BDH1: variants seen among roughly 807,000 people sequenced by gnomAD.
BDH1 encodes D-beta-hydroxybutyrate dehydrogenase, mitochondrial.
In BDH1, 30 loss-of-function variants were observed where a neutral mutation model predicts 33.1. The ratio of observed to expected loss-of-function variants is 0.91; its 90% CI spans 0.68 to 1.23. The LOEUF is 1.23. Ranked by LOEUF, BDH1 falls within the 50% of genes most tolerant of loss-of-function variation. BDH1 has a pLI of 0.00. For missense variants in BDH1, 443 were observed against 464.4 expected (o/e 0.95, Z 0.42); for synonymous variants, 190 against 183.6 (o/e 1.03, Z -0.28).
chr3:197,527,939 T>G (rs1230046917), intron 5 of BDH1, among the ~76,000 whole-genome samples: 1 of 152,210 alleles, frequency 6.6e-6, no homozygotes, highest in East Asian at 1.9e-4. Flanking sequence ...CCGTCCACCA[T>G]GCTTTATCTT....
chr3:197,550,383 G>A (rs1382225946), intron 2 of BDH1, among the ~76,000 whole-genome samples: 1 of 152,248 alleles, frequency 6.6e-6, no homozygotes, highest in South Asian at 2.1e-4. Context: ...GTTCTCCTCC[G>A]ATAACACACC....
At chr3:197,533,887 A>G (rs1714922947) in intron 3 of BDH1, 4 of 342,182 alleles carry the variant, frequency 1.2e-5, no homozygotes, top group Non-Finnish European at 2.1e-5. Flanking sequence ...GCTTTCCAAG[A>G]TGACATGGAT....
chr3:197,540,132 C>G (rs568321353), intron 3 of BDH1, among the ~76,000 whole-genome samples: 38 of 152,124 alleles, frequency 2.5e-4, no homozygotes, highest in African/African-American at 7.9e-4. Context: ...CTCACTGCAA[C>G]CTCCGCCTCC....
rs574502834 is a variant in BDH1 at position 197,521,762 on chromosome 3, G to A, written c.409+878C>T. On this transcript the variant is annotated intron_variant, in intron 6 of 7. Transcript: ENST00000392379. This position sits in a 1 kb window ranked among gnomAD's most constrained non-coding sequence, Gnocchi z 4.9. ...CAGCTTCGCCTTCTCAACACTCCTC[G>A]CACCTGACCCTTCCTGTTTCCCAAC... 8.5e-5 allele frequency among the ~76,000 whole-genome samples: 13 copies of A among 152,200 alleles called. No homozygotes were observed. The South Asian group carries it at 1.2e-3, about 15-fold the overall frequency.
rs753057477 is a variant in BDH1, at chr3:197,524,360, C to T, written c.268-1579G>A. On this transcript the variant is annotated intron_variant, in intron 5 of 7. Coordinates refer to ENST00000392379, the MANE Select transcript of BDH1 (RefSeq NM_203314.3). ...GCGGGCAAGGGTGGAAAGCCCAGGA[C>T]GGTCAGCACTTGTCAGGGGTGGAAA... Among the ~76,000 whole-genome samples, 6 of 152,214 alleles carry T rather than the reference C, an allele frequency of 3.9e-5. No individual in the cohort carries two copies. In the South Asian group the frequency reaches 8.3e-4, roughly 21 times the overall value.
Position 197,520,508 on chromosome 3 carries a change from C to A in BDH1, c.409+2132G>T, listed in dbSNP as rs1008702693. ...GTTAGGCTGCCTGGCCAGTCCAGTA[C>A]AGACAATGGAAGTGATTCTGCCCCA... On this transcript the variant is annotated intron_variant, in intron 6 of 7. Coordinates refer to ENST00000392379, the MANE Select transcript of BDH1 (RefSeq NM_203314.3). The surrounding 1 kb of genome is among the most constrained non-coding windows in gnomAD (Gnocchi z 6.0). 3.9e-5 allele frequency among the ~76,000 whole-genome samples: 6 copies of A among 152,138 alleles called. No individual in the cohort carries two copies. The highest frequency in any genetic ancestry group is 1.4e-4 in the African/African-American group (6 of 41,430).
chr3:197,540,530 G>C (rs193192363), intron 3 of BDH1, among the ~76,000 whole-genome samples: 1 of 151,930 alleles, frequency 6.6e-6, no homozygotes. Context: ...TTAGCAGGGC[G>C]TGGTGGCACA....
intron 3 of BDH1, chr3:197,538,961 A>G (rs1715373386): frequency 6.6e-6 from 1 of 152,368 alleles, no homozygotes; most frequent in Non-Finnish European, 1.5e-5. Context: ...CTCTGCAGAA[A>G]GAATGAGAAG....
chr3:197,523,766 C>G lies in BDH1; in HGVS notation c.268-985G>C, dbSNP rs1483661643. Reference sequence around the variant, plus strand: ...GTGGGAGGGGCACAGGAGGGACGGGCAGGGGAGACCTTCCAAAGGCAGTGA... The same window carrying G: ...GTGGGAGGGGCACAGGAGGGACGGGGAGGGGAGACCTTCCAAAGGCAGTGA... On this transcript the variant is annotated intron_variant, in intron 5 of 7. Coordinates refer to ENST00000392379, the MANE Select transcript of BDH1 (RefSeq NM_203314.3). This position sits in a 1 kb window ranked among gnomAD's most constrained non-coding sequence, Gnocchi z 4.5. Among the ~76,000 whole-genome samples the G allele has an allele frequency of 6.6e-6, 1 of 152,014 alleles. No homozygotes were observed. The highest frequency in any genetic ancestry group is 2.4e-5 in the African/African-American group (1 of 41,360).
At chr3:197,543,004 G>A (rs1715783419) in intron 3 of BDH1, 1 of 985,406 alleles carries the variant, frequency 1.0e-6, no homozygotes, top group South Asian at 4.7e-5. Flanking sequence ...CATCCCGGCC[G>A]CATTTGAGAG....
intron 2 of BDH1, among the ~76,000 whole-genome samples, chr3:197,551,382 G>A (rs995876909): frequency 7.2e-5 from 11 of 152,148 alleles, no homozygotes; most frequent in South Asian, 2.1e-4. Context: ...TTCCATCCAC[G>A]TTGTTGCAAA....
At chr3:197,546,273 T>A in intron 3 of BDH1, 88 bp downstream of exon 3, 1 of 1,289,868 alleles carries the variant, frequency 7.8e-7, no homozygotes. Context: ...GAATCAGGCC[T>A]CATCACCGCC....
intron 3 of BDH1, among the ~76,000 whole-genome samples, chr3:197,536,157 C>T (rs536491255): frequency 3.0e-4 from 45 of 152,260 alleles, no homozygotes; most frequent in African/African-American, 1.0e-3. Flanking sequence ...TTTGCTCCAG[C>T]GCCATTTTTT....
rs1711722255 is a variant in BDH1, at chr3:197,509,785, CATCT to C, written c.*2106_*2109del. 3 of 152,362 alleles carry C rather than the reference CATCT, an allele frequency of 2.0e-5. No individual in the cohort carries two copies. Among genetic ancestry groups the C allele is most frequent in the Middle Eastern group, 3.4e-3 (1 of 294 alleles). The allele number at this position is 152,362 out of a possible 1,614,324, so 9.4% of individuals were successfully genotyped here. On this transcript the variant is annotated 3_prime_UTR_variant, in exon 8 of 8. Transcript: ENST00000392379. ...ACGCACACGTGCAACTCCAAGGCTCCATCTATTTTCCTTTAATAAACTTCAGCAC... is the reference window on the plus strand; with the variant it reads ...ACGCACACGTGCAACTCCAAGGCTCCATTTTCCTTTAATAAACTTCAGCAC...
intron 1 of BDH1, among the ~76,000 whole-genome samples, chr3:197,562,249 T>C (rs1717288112): frequency 6.6e-6 from 1 of 152,208 alleles, no homozygotes; most frequent in Non-Finnish European, 1.5e-5. Context: ...TAGGAAATTG[T>C]TGTTTAAGGA....
rs941359701 is a variant in BDH1 at position 197,510,422 on chromosome 3, T to G, written c.*1473A>C. The stretch of plus-strand genomic sequence containing the variant: ...GGGCCGAAAGCCCCCTGGAGGACAG[T>G]GGTGTTTGGCTTCGGTCCCAACATA... On this transcript the variant is annotated 3_prime_UTR_variant, in exon 8 of 8. Coordinates refer to ENST00000392379, the MANE Select transcript of BDH1 (RefSeq NM_203314.3). 1.3e-5 allele frequency: 2 copies of G among 152,114 alleles called. No homozygotes were observed. Among genetic ancestry groups the G allele is most frequent in the African/African-American group, 4.8e-5 (2 of 41,368 alleles). 9.4% of individuals were successfully genotyped at this position (152,114 alleles called of 1,614,324 possible).
intron 2 of BDH1, among the ~76,000 whole-genome samples, chr3:197,553,069 C>T (rs1255150401): frequency 3.3e-5 from 5 of 152,068 alleles, no homozygotes; most frequent in South Asian, 2.1e-4. Context: ...AAGCATGCAC[C>T]GCCATGCCTG....
chr3:197,555,421 C>T (rs375321846), intron 1 of BDH1: 3 of 152,386 alleles, frequency 2.0e-5, no homozygotes, highest in East Asian at 3.8e-4. Context: ...CCTGGGTCCC[C>T]TTCAGTAAGA....
At chr3:197,565,438 T>A (rs979508289) in intron 1 of BDH1, among the ~76,000 whole-genome samples, 2 of 152,190 alleles carry the variant, frequency 1.3e-5, no homozygotes, top group African/African-American at 4.8e-5. Context: ...TCTGCTTGAA[T>A]TAATCCTTTA....
Sources: allele counts gnomAD v4.1 joint callset (sites outside exome capture counted in the v4.1 genomes callset), GRCh38; gene constraint gnomAD v4.1.1; non-coding constraint Gnocchi (gnomAD v3.1); transcripts MANE v1.5; gene names NCBI Gene and HGNC (gene_info 2026-07-23, HGNC 2026-07-21).